The following XKR4 variants were observed in gnomAD, a reference collection of about 807,000 sequenced individuals.
XKR4 encodes XK-related protein 4.
XKR4 carries 12 observed loss-of-function variants against 53.9 expected under a neutral mutation model. That is an observed-to-expected ratio of 0.22 (90% CI 0.14 to 0.36). The LOEUF is 0.36. Ranked by LOEUF, XKR4 falls within the 10% of genes least tolerant of loss-of-function variation. The pLI, the probability that XKR4 is intolerant of heterozygous loss-of-function variation, is 1.00. For synonymous variants in XKR4, 354 were observed against 362.4 expected, an observed-to-expected ratio of 0.98 and a Z score of 0.26; for missense variants, 799 against 859.5, an observed-to-expected ratio of 0.93 and a Z score of 0.88.
chr8:55,163,332 A>G (rs768449058), intron 1 of XKR4, among the ~76,000 whole-genome samples: 1 of 152,240 alleles, frequency 6.6e-6, no homozygotes, highest in Non-Finnish European at 1.5e-5. Context: ...TAAGGGCTGC[A>G]GGAAGAGAGG....
Position 55,142,254 on chromosome 8 carries a change from C to G in XKR4, c.806+38960C>G, listed in dbSNP as rs947920127. The G allele has an allele frequency of 5.1e-5, 23 of 450,660 alleles. No homozygotes were observed. The Admixed American group carries it at 5.4e-4, about 11-fold the overall frequency. The allele number at this position is 450,660 out of a possible 1,614,324, so 27.9% of individuals were successfully genotyped here. On this transcript the variant is annotated intron_variant, in intron 1 of 2. Transcript: ENST00000327381. ...TGAAACTTGCTCTTAGACCTCTCCT[C>G]GTAGGAGAAGTTGCCATTCTCCTGG... is the stretch of plus-strand genomic sequence containing the variant.
At chr8:55,469,605 A>G (rs1805840487) in intron 2 of XKR4, among the ~76,000 whole-genome samples, 1 of 152,148 alleles carries the variant, frequency 6.6e-6, no homozygotes, top group Admixed American at 6.5e-5. Flanking sequence ...CCAAAATAAT[A>G]TATTCCATGT....
chr8:55,413,197 T>G (rs565001288), intron 2 of XKR4, among the ~76,000 whole-genome samples: 149 of 152,306 alleles, frequency 9.8e-4, no homozygotes, highest in African/African-American at 3.5e-3. Flanking sequence ...GCTCTATTGA[T>G]CCTACGACAG....
intron 1 of XKR4, among the ~76,000 whole-genome samples, chr8:55,162,654 G>C (rs567410198): frequency 6.6e-6 from 1 of 152,162 alleles, no homozygotes; most frequent in South Asian, 2.1e-4. Context: ...CACTACAATT[G>C]AAAGTCCCTC....
intron 2 of XKR4, among the ~76,000 whole-genome samples, chr8:55,446,907 G>A (rs995750866): frequency 4.6e-5 from 7 of 152,122 alleles, no homozygotes; most frequent in South Asian, 4.1e-4. Context: ...AATAGTGCCT[G>A]CCCCAAATGT....
At chr8:55,463,493 T>G (rs1354753865) in intron 2 of XKR4, among the ~76,000 whole-genome samples, 3 of 151,506 alleles carry the variant, frequency 2.0e-5, no homozygotes, top group Non-Finnish European at 2.9e-5. Context: ...GAGGGAAATT[T>G]ATAGCACTAA....
At chr8:55,348,707 C>T (rs1034421758) in intron 1 of XKR4, among the ~76,000 whole-genome samples, 1 of 151,844 alleles carries the variant, frequency 6.6e-6, no homozygotes, top group African/African-American at 2.4e-5. Flanking sequence ...CACACACACA[C>T]ACACACACAC....
intron 2 of XKR4, among the ~76,000 whole-genome samples, chr8:55,475,433 A>G (rs1446194061): frequency 1.3e-5 from 2 of 151,516 alleles, no homozygotes; most frequent in Non-Finnish European, 2.9e-5. Context: ...ATTTGGGGTG[A>G]TGGGGGAAGG....
chr8:55,126,700 T>C (rs1177604975), intron 1 of XKR4, among the ~76,000 whole-genome samples: 1 of 152,130 alleles, frequency 6.6e-6, no homozygotes, highest in African/African-American at 2.4e-5. Context: ...AAAAATACAG[T>C]TTGTCAATTA....
intron 1 of XKR4, among the ~76,000 whole-genome samples, chr8:55,312,555 T>C (rs1819403667): frequency 6.6e-6 from 1 of 152,154 alleles, no homozygotes; most frequent in Non-Finnish European, 1.5e-5. Flanking sequence ...AGTCTCTAAA[T>C]AGTCAAAACT....
At chr8:55,280,340 G>T (rs913517342) in intron 1 of XKR4, among the ~76,000 whole-genome samples, 19 of 152,106 alleles carry the variant, frequency 1.2e-4, no homozygotes. Context: ...TTCAGTAAAT[G>T]TGCAAATGGG....
chr8:55,259,185 G>A (rs1563495288), intron 1 of XKR4, among the ~76,000 whole-genome samples: 1 of 152,204 alleles, frequency 6.6e-6, no homozygotes, highest in Non-Finnish European at 1.5e-5. Flanking sequence ...GCGCGGGGAC[G>A]CACCTGGGGT....
intron 1 of XKR4, among the ~76,000 whole-genome samples, chr8:55,171,312 G>A (rs942554761): frequency 2.6e-5 from 4 of 152,198 alleles, no homozygotes; most frequent in Non-Finnish European, 5.9e-5. Context: ...TACAGCGTCT[G>A]GTGGGAGACA....
chr8:55,508,840 CG>C (rs1425991038), intron 2 of XKR4, among the ~76,000 whole-genome samples: 1 of 152,154 alleles, frequency 6.6e-6, no homozygotes, highest in Non-Finnish European at 1.5e-5. Context: ...TCAGGGTCAC[CG>C]AACTCAGGCT....
At chr8:55,283,496 T>C (rs1355344834) in intron 1 of XKR4, among the ~76,000 whole-genome samples, 1 of 152,208 alleles carries the variant, frequency 6.6e-6, no homozygotes, top group Non-Finnish European at 1.5e-5. Context: ...GTGAAAGTGA[T>C]TTATAAACTG....
chr8:55,408,347 A>G (rs1282740422), intron 2 of XKR4, among the ~76,000 whole-genome samples: 1 of 152,230 alleles, frequency 6.6e-6, no homozygotes, highest in East Asian at 1.9e-4. Flanking sequence ...CAGACCTAGA[A>G]CAAACAGGAA....
At chr8:55,475,283 T>C (rs1805961532) in intron 2 of XKR4, among the ~76,000 whole-genome samples, 1 of 152,142 alleles carries the variant, frequency 6.6e-6, no homozygotes, top group Non-Finnish European at 1.5e-5. Context: ...CCCAGGGTTG[T>C]GGGCAGGTGA....
chr8:55,144,206 T>G (rs956111614), intron 1 of XKR4, among the ~76,000 whole-genome samples: 1 of 152,178 alleles, frequency 6.6e-6, no homozygotes, highest in African/African-American at 2.4e-5. Context: ...CCCAAATCCC[T>G]AGGGGACCTG....
chr8:55,401,516 T>C (rs890150529), intron 2 of XKR4, among the ~76,000 whole-genome samples: 1 of 152,236 alleles, frequency 6.6e-6, no homozygotes, highest in Non-Finnish European at 1.5e-5. Context: ...CAGCTGCGGC[T>C]ATAGCTCCAG....
Sources: allele counts gnomAD v4.1 joint callset (sites outside exome capture counted in the v4.1 genomes callset), GRCh38; gene constraint gnomAD v4.1.1; transcripts MANE v1.5; gene names NCBI Gene and HGNC (gene_info 2026-07-23, HGNC 2026-07-21).